The following NR1H4 variants were observed in gnomAD, a reference collection of about 807,000 sequenced individuals.
NR1H4 encodes the protein bile acid receptor.
NR1H4 carries 23 observed loss-of-function variants against 58.5 expected under a neutral mutation model. The observed-to-expected ratio is 0.39, with a 90% CI of 0.28 to 0.56. The LOEUF (loss-of-function observed/expected upper bound fraction) is 0.56. Ranked by LOEUF, NR1H4 falls within the 20% of genes least tolerant of loss-of-function variation. The pLI, the probability that NR1H4 is intolerant of heterozygous loss-of-function variation, is 0.58. For missense variants in NR1H4, 487 were observed against 576.9 expected, an observed-to-expected ratio of 0.84 and a Z score of 1.60; for synonymous variants, 214 against 198.0, an observed-to-expected ratio of 1.08 and a Z score of -0.68.
At chr12:100,511,175 C>T (rs369267058) in intron 4 of NR1H4, 32 bp downstream of exon 4, 10 of 1,613,844 alleles carry the variant, frequency 6.2e-6, no homozygotes, top group Middle Eastern at 1.6e-4. Context: ...TTTTCTCCTT[C>T]AGGTTTTACT....
chr12:100,479,099 A>G (rs370359715), intron 1 of NR1H4, among the ~76,000 whole-genome samples: 5 of 151,716 alleles, frequency 3.3e-5, no homozygotes, highest in African/African-American at 1.2e-4. Context: ...GTTTTTATTT[A>G]TAGGAATCGT....
chr12:100,530,419 T>C (rs1347123081), intron 4 of NR1H4, among the ~76,000 whole-genome samples: 1 of 152,210 alleles, frequency 6.6e-6, no homozygotes. Context: ...CAATAGCTAC[T>C]AGGTGCTTAA....
chr12:100,542,116 G>T (rs141634504), intron 9 of NR1H4, among the ~76,000 whole-genome samples: 1,773 of 152,090 alleles, frequency 0.012, 40 homozygotes, highest in African/African-American at 0.041. Context: ...GAGGCAGAGG[G>T]GGGTGGATCA....
intron 9 of NR1H4, among the ~76,000 whole-genome samples, chr12:100,560,281 C>T (rs1385236168): frequency 2.0e-5 from 3 of 152,210 alleles, no homozygotes; most frequent in African/African-American, 7.2e-5. Context: ...GCTGCCCGAG[C>T]CCGCATTGGC....
intron 4 of NR1H4, among the ~76,000 whole-genome samples, chr12:100,528,597 A>G (rs925966205): frequency 2.0e-5 from 3 of 152,170 alleles, no homozygotes; most frequent in African/African-American, 7.2e-5. Flanking sequence ...GACTTTTCTG[A>G]TATGAGCATT....
chr12:100,475,673 A>G (rs1213857565), intron 1 of NR1H4, among the ~76,000 whole-genome samples: 3 of 152,220 alleles, frequency 2.0e-5, no homozygotes, highest in Admixed American at 6.5e-5. Flanking sequence ...AACATGTCCT[A>G]GCCTTTACTT....
chr12:100,513,319 T>G (rs1173284469), intron 4 of NR1H4, among the ~76,000 whole-genome samples: 1 of 152,198 alleles, frequency 6.6e-6, no homozygotes, highest in African/African-American at 2.4e-5. Context: ...CATTAAAATT[T>G]TTTTTTACAA....
intron 1 of NR1H4, among the ~76,000 whole-genome samples, chr12:100,481,731 G>A (rs1412504981): frequency 6.6e-6 from 1 of 151,826 alleles, no homozygotes; most frequent in African/African-American, 2.4e-5. Context: ...TGGCTAACAC[G>A]GTGAAACCCC....
chr12:100,512,135 AG>A (rs1954134679), intron 4 of NR1H4, among the ~76,000 whole-genome samples: 1 of 151,990 alleles, frequency 6.6e-6, no homozygotes, highest in Non-Finnish European at 1.5e-5. Flanking sequence ...TGGGAGGCAG[AG>A]GTGGGAGGAT....
chr12:100,542,887 C>A lies in NR1H4; in HGVS notation c.1078+2069C>A, dbSNP rs115881639. Among the ~76,000 whole-genome samples, 807 of 151,178 alleles carry A rather than the reference C, an allele frequency of 5.3e-3. 9 individuals are homozygous for A. The highest frequency in any genetic ancestry group is 0.019 in the African/African-American group (792 of 41,420). Reference sequence around the variant, plus strand: ...ATTCTTAATATATTAATTTACTAGTCTAACAAATATTTAAGGGCAAGGTAC... The same window carrying A: ...ATTCTTAATATATTAATTTACTAGTATAACAAATATTTAAGGGCAAGGTAC... On this transcript the variant is annotated intron_variant, in intron 9 of 10. Transcript: ENST00000392986.
chr12:100,496,454 C>T (rs1215822492), intron 3 of NR1H4, among the ~76,000 whole-genome samples: 1 of 152,080 alleles, frequency 6.6e-6, no homozygotes, highest in African/African-American at 2.4e-5. Flanking sequence ...TGCAACGGCC[C>T]AAAGTCTGGA....
At chr12:100,559,385 A>G (rs1955408490) in intron 9 of NR1H4, among the ~76,000 whole-genome samples, 1 of 152,304 alleles carries the variant, frequency 6.6e-6, no homozygotes, top group East Asian at 1.9e-4. Flanking sequence ...GTGGAGGGAG[A>G]GACGCGAGCG....
chr12:100,522,202 G>C (rs1444761588), intron 4 of NR1H4, among the ~76,000 whole-genome samples: 1 of 151,950 alleles, frequency 6.6e-6, no homozygotes. Context: ...GATGATGATG[G>C]TAATTATGGT....
chr12:100,486,584 A>G (rs1374067239), intron 1 of NR1H4, among the ~76,000 whole-genome samples: 1 of 152,238 alleles, frequency 6.6e-6, no homozygotes, highest in African/African-American at 2.4e-5. Context: ...GCACCGTCTC[A>G]AACTCCCAAA....
chr12:100,498,761 T>G (rs1343526747), intron 3 of NR1H4, among the ~76,000 whole-genome samples: 1 of 152,184 alleles, frequency 6.6e-6, no homozygotes, highest in Non-Finnish European at 1.5e-5. Context: ...CTTTTATTAT[T>G]GTATCTAACA....
chr12:100,563,171 A>C, intron 10 of NR1H4, 80 bp from the exon 11 acceptor site: 1 of 1,088,048 alleles, frequency 9.2e-7, no homozygotes, highest in Middle Eastern at 2.0e-4. Context: ...ACTTCAAAAT[A>C]GTTAACGTTG....
At chr12:100,555,218 C>T (rs1475919812) in intron 9 of NR1H4, among the ~76,000 whole-genome samples, 1 of 152,108 alleles carries the variant, frequency 6.6e-6, no homozygotes, top group Non-Finnish European at 1.5e-5. Flanking sequence ...ATCCCTAAAT[C>T]TTCATGTACT....
At chr12:100,480,649 T>A (rs1593032880) in intron 1 of NR1H4, among the ~76,000 whole-genome samples, 1 of 152,140 alleles carries the variant, frequency 6.6e-6, no homozygotes, top group Admixed American at 6.5e-5. Flanking sequence ...ATGTTAGCGG[T>A]TTTTTTAGAC....
intron 4 of NR1H4, among the ~76,000 whole-genome samples, chr12:100,529,601 T>C (rs1032560495): frequency 4.6e-5 from 7 of 152,160 alleles, no homozygotes; most frequent in Non-Finnish European, 1.0e-4. Flanking sequence ...TATCTACCCT[T>C]TCTTGGAATT....
Sources: gnomAD v4.1 joint callset for allele counts (sites outside exome capture counted in the v4.1 genomes callset) on GRCh38, gnomAD v4.1.1 for gene constraint, MANE v1.5 for transcripts, NCBI Gene and HGNC (gene_info 2026-07-23, HGNC 2026-07-21) for gene names.